KIF1B: variants seen among roughly 807,000 people sequenced by gnomAD.
KIF1B encodes kinesin family member 1B, also known as kinesin-like protein KIF1B.
A neutral mutation model predicts 241.9 loss-of-function variants in KIF1B; 76 were observed. The observed-to-expected ratio is 0.31, with a 90% CI of 0.26 to 0.38. The LOEUF (loss-of-function observed/expected upper bound fraction) is 0.38, where lower values mean the gene tolerates loss of function less well. Ranked by LOEUF, KIF1B falls within the 10% of genes least tolerant of loss-of-function variation. KIF1B has a pLI of 1.00. For missense variants in KIF1B, 1,622 were observed against 2,271.4 expected, an observed-to-expected ratio of 0.71 and a Z score of 5.81; for synonymous variants, 750 against 796.7, an observed-to-expected ratio of 0.94 and a Z score of 0.99.
At chr1:10,363,029 A>G (rs941360969) in intron 40 of KIF1B, among the ~76,000 whole-genome samples, 2 of 151,924 alleles carry the variant, frequency 1.3e-5, no homozygotes, top group African/African-American at 4.8e-5. Context: ...TTGTGATTAC[A>G]TCACTGCACT....
chr1:10,238,903 C>T (rs1647095364), intron 2 of KIF1B, among the ~76,000 whole-genome samples: 1 of 152,048 alleles, frequency 6.6e-6, no homozygotes, highest in Non-Finnish European at 1.5e-5. Context: ...CCACAGCATA[C>T]TGCTGCTTTT....
intron 15 of KIF1B, 95 bp from the exon 16 acceptor site, chr1:10,290,987 A>T: frequency 1.1e-6 from 1 of 899,714 alleles, no homozygotes; most frequent in Non-Finnish European, 1.8e-6. Context: ...TCTGGCCTGT[A>T]TCCTCAAAGG....
rs774337231 is a variant in KIF1B, at chr1:10,258,596, A to G, written c.287A>G (p.Tyr96Cys). The G allele has an allele frequency of 9.3e-6, 15 of 1,614,016 alleles. No individual in the cohort carries two copies. The highest frequency in any genetic ancestry group is 1.2e-5 in the Non-Finnish European group (14 of 1,180,002). The change falls in exon 4 of 49, where the codon TAT becomes TGT. Residue 96 changes from tyrosine (Y) to cysteine (C), a missense_variant. Physicochemically the swap from Tyr to Cys is radical, Grantham distance 194. Coordinates refer to ENST00000676179, the MANE Select transcript of KIF1B (RefSeq NM_001365951.3). Reference sequence around the variant, plus strand: ...GGATATAATGTCTGTATTTTTGCCTATGGGCAGACTGGTGCTGGAAAATCT... The same window carrying G: ...GGATATAATGTCTGTATTTTTGCCTGTGGGCAGACTGGTGCTGGAAAATCT... Reference protein sequence around the residue: ...FEGYNVCIFAYGQTGAGKSYT... With the variant: ...FEGYNVCIFACGQTGAGKSYT...
Position 10,256,281 on chromosome 1 carries a change from A to C in KIF1B, c.141A>C (p.Pro47=). 6.2e-7 allele frequency: 1 copy of C among 1,612,698 alleles called. No homozygotes were observed. The highest frequency in any genetic ancestry group is 8.5e-7 in the Non-Finnish European group (1 of 1,178,662). ...IINPKNPKEA[P]KSFSFDYSYW... ...ACCCAAAGAATCCAAAGGAAGCTCC[A>C]AAGTCCTTCAGCTTCGACTATTCCT... is the stretch of plus-strand genomic sequence containing the variant. The change falls in exon 3 of 49, where the codon CCA becomes CCC. Residue 47 remains proline, a synonymous_variant. Transcript: ENST00000676179.
intron 5 of KIF1B, among the ~76,000 whole-genome samples, chr1:10,265,909 A>T (rs546993747): frequency 6.6e-6 from 1 of 152,314 alleles, no homozygotes; most frequent in Non-Finnish European, 1.5e-5. Flanking sequence ...AATGAAAGAA[A>T]AAGGCAATAG....
chr1:10,303,741 C>A lies in KIF1B; in HGVS notation c.2115+6495C>A. On this transcript the variant is annotated intron_variant, in intron 22 of 48. Coordinates refer to ENST00000676179, the MANE Select transcript of KIF1B (RefSeq NM_001365951.3). This position sits in a 1 kb window ranked among gnomAD's most constrained non-coding sequence, Gnocchi z 5.2. ...TAAAAGTCTTAAGAAATAAAATGCT[C>A]AAAATGGAAAAAGTCTTGCCACTGA... 1.2e-6 allele frequency: 2 copies of A among 1,614,112 alleles called. No individual in the cohort carries two copies. The highest frequency in any genetic ancestry group is 2.2e-5 in the South Asian group (2 of 91,042).
Position 10,377,937 on chromosome 1 carries a change from GAAAA to G in KIF1B, c.*1360_*1363del, listed in dbSNP as rs567435289. On this transcript the variant is annotated 3_prime_UTR_variant, in exon 49 of 49. Transcript: ENST00000676179. ...GGTGACAGAGCAAGACTCTGCCTCA[GAAAA>G]AAAAAAAAATAATAATGCTGGGTAG... is the stretch of plus-strand genomic sequence containing the variant. 2.1e-5 allele frequency: 4 copies of G among 187,614 alleles called. No homozygotes were observed. Among genetic ancestry groups the G allele is most frequent in the South Asian group, 1.6e-4 (1 of 6,398 alleles). 11.6% of individuals were successfully genotyped at this position (187,614 alleles called of 1,614,324 possible).
At chr1:10,231,601 G>A (rs1364262160) in intron 1 of KIF1B, among the ~76,000 whole-genome samples, 2 of 151,604 alleles carry the variant, frequency 1.3e-5, no homozygotes, top group African/African-American at 4.8e-5. Context: ...TGGCCAGGCT[G>A]GTCTCGAACT....
chr1:10,276,353 C>T lies in KIF1B; in HGVS notation c.991C>T (p.Leu331=). 6.2e-7 allele frequency: 1 copy of T among 1,613,944 alleles called. No homozygotes were observed. Among genetic ancestry groups the T allele is most frequent in the Non-Finnish European group, 8.5e-7 (1 of 1,179,896 alleles). ...GNSRTAMVAA[L]SPADINYDET... ...TTCTCGGACTGCAATGGTTGCTGCT[C>T]TGAGCCCCGCGGATATCAACTACGA... Residue 331 remains leucine, a synonymous_variant, in exon 12 of 49, where the codon CTG becomes TTG. Coordinates refer to ENST00000676179, the MANE Select transcript of KIF1B (RefSeq NM_001365951.3).
Position 10,291,067 on chromosome 1 carries a change from C to G in KIF1B, c.1435-15C>G. Reference sequence around the variant, plus strand: ...AAGACTCTTTGCCTCTTTAACTGTGCGCTTCCTTCCTTAGGAATCAGAGAA... The same window carrying G: ...AAGACTCTTTGCCTCTTTAACTGTGGGCTTCCTTCCTTAGGAATCAGAGAA... On this transcript the variant is annotated splice_polypyrimidine_tract_variant and intron_variant, in intron 15 of 48. Transcript: ENST00000676179. The G allele has an allele frequency of 6.2e-7, 1 of 1,605,536 alleles. No homozygotes were observed. The highest frequency in any genetic ancestry group is 8.5e-7 in the Non-Finnish European group (1 of 1,172,944).
chr1:10,323,912 A>T lies in KIF1B; in HGVS notation c.2387A>T (p.Asp796Val). The change falls in exon 25 of 49, where the codon GAC (aspartate) becomes GTC (valine). Residue 796 changes from aspartate to valine, a missense_variant. Around this residue, in one of 7 missense-constraint regions of KIF1B, gnomAD observed 803 missense variants for 1,112.0 expected, o/e 0.72. Transcript: ENST00000676179. ...KVQFQFVLLT[D>V]TLYSPLPPEL... ...CAGTTTCAGTTTGTTCTGCTGACTG[A>T]CACACTGTACTCCCCTTTGCCTCCT... is the stretch of plus-strand genomic sequence containing the variant. 6.2e-7 allele frequency: 1 copy of T among 1,614,112 alleles called. No homozygotes were observed. The highest frequency in any genetic ancestry group is 8.5e-7 in the Non-Finnish European group (1 of 1,179,974).
chr1:10,299,376 T>G (rs1458143656), intron 22 of KIF1B, among the ~76,000 whole-genome samples: 1 of 152,196 alleles, frequency 6.6e-6, no homozygotes, highest in Non-Finnish European at 1.5e-5. Flanking sequence ...GGAAGTTGCT[T>G]TCCTCTCAAA....
chr1:10,368,518 G>T lies in KIF1B; in HGVS notation c.4804G>T (p.Gly1602Cys). ...TFNREFSQVH[G>C]SVSDCKLSDI... The stretch of plus-strand genomic sequence containing the variant: ...CAACAGAGAATTCAGCCAGGTGCAC[G>T]GCAGCGTCAGTGACTGTAAGGTGAG... The change falls in exon 44 of 49, where the codon GGC (glycine) becomes TGC (cysteine). Residue 1602 changes from glycine (G) to cysteine (C), a missense_variant. Physicochemically the swap from Gly to Cys is radical, Grantham distance 159. Transcript: ENST00000676179. The T allele has an allele frequency of 6.2e-7, 1 of 1,613,950 alleles. No homozygotes were observed. Among genetic ancestry groups the T allele is most frequent in the Non-Finnish European group, 8.5e-7 (1 of 1,179,870 alleles).
chr1:10,364,016 T>C (rs1465710145), intron 41 of KIF1B, among the ~76,000 whole-genome samples: 1 of 152,094 alleles, frequency 6.6e-6, no homozygotes, highest in Non-Finnish European at 1.5e-5. Flanking sequence ...TTGAGGAATT[T>C]TTTTAATTAA....
chr1:10,272,567 T>G (rs1648859629), intron 9 of KIF1B: 1 of 543,766 alleles, frequency 1.8e-6, no homozygotes, highest in African/African-American at 1.9e-5. Context: ...CTCATTTTTT[T>G]GAGCCTTATT....
intron 2 of KIF1B, among the ~76,000 whole-genome samples, chr1:10,255,239 G>C (rs12137527): frequency 6.6e-6 from 1 of 151,862 alleles, no homozygotes; most frequent in Non-Finnish European, 1.5e-5. Flanking sequence ...GGGAGCCACC[G>C]CGCCCAGCTC....
At chr1:10,227,197 A>G (rs1343795396) in intron 1 of KIF1B, among the ~76,000 whole-genome samples, 1 of 151,824 alleles carries the variant, frequency 6.6e-6, no homozygotes, top group East Asian at 2.0e-4. Flanking sequence ...CACCATGCCC[A>G]GCTAATTTTT....
chr1:10,265,596 G>A (rs1044097750), intron 5 of KIF1B, among the ~76,000 whole-genome samples: 1 of 152,100 alleles, frequency 6.6e-6, no homozygotes, highest in Non-Finnish European at 1.5e-5. Context: ...TGTAATCCCT[G>A]CACTTTGGGA....
At chr1:10,336,869 A>G in intron 29 of KIF1B, 127 bp downstream of exon 29, 2 of 1,079,138 alleles carry the variant, frequency 1.9e-6, no homozygotes, top group Non-Finnish European at 1.4e-6. Flanking sequence ...TCAATAGAAT[A>G]TGGGACATGT....
Sources: gnomAD v4.1 joint callset for allele counts (sites outside exome capture counted in the v4.1 genomes callset) on GRCh38, gnomAD v4.1.1 for gene constraint, gnomAD v4.1.1 regional missense constraint, Gnocchi (gnomAD v3.1) non-coding constraint, MANE v1.5 for transcripts, NCBI Gene and HGNC (gene_info 2026-07-23, HGNC 2026-07-21) for gene names.